HECW2: variants seen among roughly 807,000 people sequenced by gnomAD.
The protein encoded by HECW2 is HECT, C2 and WW domain containing E3 ubiquitin protein ligase 2.
A neutral mutation model predicts 175.2 loss-of-function variants in HECW2; 61 were observed. The observed-to-expected ratio is 0.35, with a 90% CI of 0.28 to 0.43. HECW2 has a LOEUF of 0.43. Among genes scored for constraint, HECW2 ranks in the 20% least tolerant of loss-of-function variants. The probability of loss-of-function intolerance (pLI) is 1.00; values close to 1 mark genes in which losing one functional copy is unlikely to be tolerated. For missense variants in HECW2, 1,524 were observed against 2,000.5 expected, an observed-to-expected ratio of 0.76 and a Z score of 4.54; for synonymous variants, 671 against 731.0, an observed-to-expected ratio of 0.92 and a Z score of 1.32.
chr2:196,375,294 A>G (rs1276292152), intron 2 of HECW2, among the ~76,000 whole-genome samples: 2 of 152,248 alleles, frequency 1.3e-5, no homozygotes. Flanking sequence ...ACATCAATTT[A>G]AATCAAACAT....
rs1687153740 is a variant in HECW2, at chr2:196,490,634, C to G, written c.-35-57176G>C. 3.3e-5 allele frequency among the ~76,000 whole-genome samples: 5 copies of G among 152,118 alleles called. No homozygotes were observed. The South Asian group carries it at 1.0e-3, about 32-fold the overall frequency. On this transcript the variant is annotated intron_variant, in intron 1 of 28. Transcript: ENST00000644978. ...AAGAGAAATAAAAACATATGTTCAC[C>G]CACATAAAAACTTGTATATGAAAGT...
intron 2 of HECW2, among the ~76,000 whole-genome samples, chr2:196,413,546 T>A (rs1489182359): frequency 6.6e-6 from 1 of 152,068 alleles, no homozygotes; most frequent in Non-Finnish European, 1.5e-5. Context: ...GGGTTTCAAA[T>A]GTTGGCCAGG....
At chr2:196,393,403 A>C (rs10804075) in intron 2 of HECW2, among the ~76,000 whole-genome samples, 152,233 of 152,308 alleles carry the variant, frequency 1, 76,079 homozygotes, top group East Asian at 1. Context: ...ATCCACCCAT[A>C]TGACAAAGGG....
At chr2:196,496,491 A>G (rs1376815718) in intron 1 of HECW2, among the ~76,000 whole-genome samples, 1 of 152,158 alleles carries the variant, frequency 6.6e-6, no homozygotes, top group Non-Finnish European at 1.5e-5. Flanking sequence ...TATCAGGATG[A>G]CTAATCTCAA....
At chr2:196,439,533 T>C (rs1216339359) in intron 1 of HECW2, among the ~76,000 whole-genome samples, 1 of 152,168 alleles carries the variant, frequency 6.6e-6, no homozygotes, top group Non-Finnish European at 1.5e-5. Flanking sequence ...GTAGCTTTTA[T>C]AGAACTGTTT....
intron 17 of HECW2, among the ~76,000 whole-genome samples, chr2:196,270,017 G>C (rs1368404773): frequency 6.6e-6 from 1 of 152,168 alleles, no homozygotes; most frequent in Admixed American, 6.5e-5. Flanking sequence ...AGCTTCCCAG[G>C]TGATACTGAT....
At position 196,198,724 on chromosome 2, in the gene HECW2, T is replaced by C. The variant is rs192632310; in HGVS notation, c.*2553A>G. 1 of 152,352 alleles carries C rather than the reference T, an allele frequency of 6.6e-6. No individual in the cohort carries two copies. Among genetic ancestry groups the C allele is most frequent in the East Asian group, 1.9e-4 (1 of 5,196 alleles). The allele number at this position is 152,352 out of a possible 1,614,324, so 9.4% of individuals were successfully genotyped here. A position where few individuals can be genotyped will look rare whatever the true frequency, so the allele number is the denominator to read the frequency against. On this transcript the variant is annotated 3_prime_UTR_variant, in exon 29 of 29. Coordinates refer to ENST00000644978, the MANE Select transcript of HECW2 (RefSeq NM_001348768.2). Reference sequence around the variant, plus strand: ...GTCCAGAAGAAAATATTTATGGATATTTCTAATTGTAGAGTACATGAAAGT... The same window carrying C: ...GTCCAGAAGAAAATATTTATGGATACTTCTAATTGTAGAGTACATGAAAGT...
intron 2 of HECW2, among the ~76,000 whole-genome samples, chr2:196,375,682 C>G (rs1288500033): frequency 3.2e-4 from 48 of 152,180 alleles, no homozygotes; most frequent in Non-Finnish European, 2.2e-4. Flanking sequence ...ATATTGGTAT[C>G]ATGCAATGGC....
At chr2:196,228,914 A>G (rs542048611) in intron 21 of HECW2, among the ~76,000 whole-genome samples, 1 of 152,254 alleles carries the variant, frequency 6.6e-6, no homozygotes, top group South Asian at 2.1e-4. Flanking sequence ...AGAGGCTGAA[A>G]CTCTAACACC....
At chr2:196,549,994 A>T (rs972378974) in intron 1 of HECW2, among the ~76,000 whole-genome samples, 1 of 152,202 alleles carries the variant, frequency 6.6e-6, no homozygotes, top group Non-Finnish European at 1.5e-5. Context: ...GACAAGCTTC[A>T]CTGATAAACA....
At chr2:196,473,488 T>G (rs1269785539) in intron 1 of HECW2, among the ~76,000 whole-genome samples, 1 of 152,220 alleles carries the variant, frequency 6.6e-6, no homozygotes, top group Non-Finnish European at 1.5e-5. Flanking sequence ...TAATGGACTT[T>G]CTAAACCACC....
chr2:196,586,744 AAAAAAAAAAC>A (rs1329354796), intron 1 of HECW2: 2 of 151,748 alleles, frequency 1.3e-5, no homozygotes. Flanking sequence ...GTTAACCAAA[AAAAAAAAAAC>A]AAAAAAAAAC....
chr2:196,223,242 A>C (rs1163768008), intron 23 of HECW2, among the ~76,000 whole-genome samples: 1 of 152,230 alleles, frequency 6.6e-6, no homozygotes, highest in Non-Finnish European at 1.5e-5. Context: ...GATTGGTAAC[A>C]CTTAAAATTC....
At chr2:196,489,692 T>A (rs983111040) in intron 1 of HECW2, among the ~76,000 whole-genome samples, 10 of 152,152 alleles carry the variant, frequency 6.6e-5, no homozygotes, top group Admixed American at 1.3e-4. Flanking sequence ...ACTTGGGAAG[T>A]AGGTCTTTTA....
At chr2:196,521,982 C>A (rs1031107369) in intron 1 of HECW2, among the ~76,000 whole-genome samples, 1 of 152,054 alleles carries the variant, frequency 6.6e-6, no homozygotes, top group African/African-American at 2.4e-5. Context: ...ATTTATAGTC[C>A]TTTGGGTATA....
intron 1 of HECW2, among the ~76,000 whole-genome samples, chr2:196,514,770 C>G (rs916610688): frequency 1.3e-5 from 2 of 151,966 alleles, no homozygotes; most frequent in East Asian, 3.9e-4. Context: ...AAGGAGCTAC[C>G]CACTCTGAGT....
intron 2 of HECW2, among the ~76,000 whole-genome samples, chr2:196,388,457 C>A (rs181435222): frequency 6.6e-6 from 1 of 152,244 alleles, no homozygotes; most frequent in Non-Finnish European, 1.5e-5. Flanking sequence ...TTAATCCTAA[C>A]AACAACCTTA....
chr2:196,353,558 T>A (rs572469386), intron 2 of HECW2, among the ~76,000 whole-genome samples: 1 of 152,288 alleles, frequency 6.6e-6, no homozygotes, highest in East Asian at 1.9e-4. Flanking sequence ...ATGGAAGATA[T>A]TGATAATGAC....
At chr2:196,271,407 G>T in intron 16 of HECW2, 118 bp from the exon 17 acceptor site, 1 of 672,298 alleles carries the variant, frequency 1.5e-6, no homozygotes, top group Admixed American at 2.6e-5. Flanking sequence ...CCTCAGGCTT[G>T]CAAGTAGCTG....
Sources: gnomAD v4.1 joint callset for allele counts (sites outside exome capture counted in the v4.1 genomes callset) on GRCh38, gnomAD v4.1.1 for gene constraint, MANE v1.5 for transcripts, NCBI Gene and HGNC (gene_info 2026-07-23, HGNC 2026-07-21) for gene names.